The following ERICH6B variants were observed in gnomAD, a reference collection of about 807,000 sequenced individuals.
The protein encoded by ERICH6B is glutamate-rich protein 6B.
Under a neutral mutation model 80.0 loss-of-function variants are expected in ERICH6B, and 69 were observed. That is an observed-to-expected ratio of 0.86 (90% CI 0.71 to 1.05). The LOEUF is 1.05. ERICH6B is among the 50% of genes least tolerant of loss of function. The probability of loss-of-function intolerance (pLI) is 0.00; values close to 1 mark genes in which losing one functional copy is unlikely to be tolerated. For synonymous variants in ERICH6B, 283 were observed against 291.9 expected (o/e 0.97, Z 0.31); for missense variants, 754 against 796.1 (o/e 0.95, Z 0.64).
chr13:45,575,260 C>T (rs764854617), intron 7 of ERICH6B, among the ~76,000 whole-genome samples: 2 of 152,182 alleles, frequency 1.3e-5, no homozygotes, highest in African/African-American at 2.4e-5. Context: ...CAGAAGGCCA[C>T]GCAGGCAGAA....
intron 7 of ERICH6B, among the ~76,000 whole-genome samples, chr13:45,576,532 T>A (rs1875411530): frequency 6.6e-6 from 1 of 152,086 alleles, no homozygotes; most frequent in Non-Finnish European, 1.5e-5. Context: ...TCCTTGTGGG[T>A]GGCATTAGAG....
At chr13:45,550,479 G>C (rs1285046713) in intron 11 of ERICH6B, among the ~76,000 whole-genome samples, 163 bp from the exon 12 acceptor site, 2 of 152,184 alleles carry the variant, frequency 1.3e-5, no homozygotes, top group African/African-American at 2.4e-5. Context: ...TTGTCTATAT[G>C]ATGAGGAGGC....
chr13:45,568,245 A>T (rs1875003366), intron 9 of ERICH6B, 70 bp downstream of exon 9: 2 of 1,446,512 alleles, frequency 1.4e-6, no homozygotes, highest in Non-Finnish European at 1.8e-6. Flanking sequence ...CTCAGTTTAC[A>T]CTTTCCCTGC....
intron 1 of ERICH6B, among the ~76,000 whole-genome samples, chr13:45,611,290 G>A (rs1949898443): frequency 1.3e-5 from 2 of 152,132 alleles, no homozygotes; most frequent in African/African-American, 2.4e-5. Context: ...AACAGGTGTC[G>A]AATTATTTGA....
chr13:45,584,226 T>C (rs1875800245), intron 5 of ERICH6B, among the ~76,000 whole-genome samples: 1 of 152,246 alleles, frequency 6.6e-6, no homozygotes, highest in South Asian at 2.1e-4. Flanking sequence ...TCCTGCTCTG[T>C]GCCTGGATAG....
intron 3 of ERICH6B, among the ~76,000 whole-genome samples, chr13:45,594,647 C>A (rs1876288938): frequency 6.6e-6 from 1 of 152,152 alleles, no homozygotes; most frequent in Non-Finnish European, 1.5e-5. Context: ...AAGGATGGTA[C>A]ATCTGATTTG....
intron 9 of ERICH6B, among the ~76,000 whole-genome samples, chr13:45,567,401 A>G (rs1259238632): frequency 3.3e-5 from 5 of 152,136 alleles, no homozygotes; most frequent in Admixed American, 2.6e-4. Flanking sequence ...TCCCACCCAA[A>G]TCTCATCTTG....
intron 7 of ERICH6B, among the ~76,000 whole-genome samples, chr13:45,578,528 A>T (rs1875519777): frequency 6.6e-6 from 1 of 152,362 alleles, no homozygotes; most frequent in South Asian, 2.1e-4. Flanking sequence ...GTAAGCAACT[A>T]GCCCAGGACT....
intron 14 of ERICH6B, among the ~76,000 whole-genome samples, chr13:45,544,319 C>G (rs1203212061): frequency 6.6e-6 from 1 of 152,200 alleles, no homozygotes; most frequent in African/African-American, 2.4e-5. Flanking sequence ...AAGTGATCCA[C>G]CTGCTTCGGC....
At chr13:45,576,432 T>G (rs1875406409) in intron 7 of ERICH6B, among the ~76,000 whole-genome samples, 1 of 152,078 alleles carries the variant, frequency 6.6e-6, no homozygotes, top group African/African-American at 2.4e-5. Flanking sequence ...CCGAACTGTC[T>G]GCCATGGAAA....
At chr13:45,603,259 C>T (rs1378605093) in intron 2 of ERICH6B, among the ~76,000 whole-genome samples, 3 of 152,226 alleles carry the variant, frequency 2.0e-5, no homozygotes, top group Non-Finnish European at 4.4e-5. Flanking sequence ...ACCTACTCCA[C>T]CAGTTCCAGT....
chr13:45,593,159 T>C (rs1241290739), intron 3 of ERICH6B, among the ~76,000 whole-genome samples: 1 of 152,136 alleles, frequency 6.6e-6, no homozygotes, highest in Non-Finnish European at 1.5e-5. Flanking sequence ...CCCATAAACT[T>C]TGGGGGGAAT....
intron 8 of ERICH6B, among the ~76,000 whole-genome samples, chr13:45,572,418 A>G (rs1057128860): frequency 1.3e-5 from 2 of 152,218 alleles, no homozygotes; most frequent in African/African-American, 4.8e-5. Flanking sequence ...CCTTGGAGAA[A>G]GGACTCAGTA....
intron 7 of ERICH6B, among the ~76,000 whole-genome samples, chr13:45,576,193 C>T (rs1403319231): frequency 2.0e-5 from 3 of 152,338 alleles, no homozygotes; most frequent in South Asian, 2.1e-4. Context: ...GCTGGGGCTG[C>T]GTTTACCCAC....
chr13:45,587,357 G>T, intron 4 of ERICH6B, 125 bp from the exon 5 acceptor site: 3 of 767,456 alleles, frequency 3.9e-6, no homozygotes, highest in Non-Finnish European at 6.2e-6. Context: ...GACATCTCAA[G>T]GTTTGAAGAG....
rs150922671 is a variant in ERICH6B, at chr13:45,559,757, A to C, written c.1407+1612T>G. 8.2e-3 allele frequency among the ~76,000 whole-genome samples: 1,244 copies of C among 152,042 alleles called. 18 individuals are homozygous for C. Among genetic ancestry groups the C allele is most frequent in the African/African-American group, 0.028 (1,162 of 41,454 alleles). ...GTTTTATTCCACTGTGGTCTGAGAGAGTGCTTATATAATTTCAATTTTCTT... is the reference window on the plus strand; with the variant it reads ...GTTTTATTCCACTGTGGTCTGAGAGCGTGCTTATATAATTTCAATTTTCTT... On this transcript the variant is annotated intron_variant, in intron 11 of 14. Coordinates refer to ENST00000298738, the MANE Select transcript of ERICH6B (RefSeq NM_182542.3).
chr13:45,603,519 C>A (rs553427582), intron 2 of ERICH6B, among the ~76,000 whole-genome samples: 2 of 152,330 alleles, frequency 1.3e-5, no homozygotes, highest in African/African-American at 4.8e-5. Flanking sequence ...CCTCCCTTGG[C>A]TCCTGCCCTG....
chr13:45,570,305 T>TA (rs1421247777), intron 8 of ERICH6B, among the ~76,000 whole-genome samples: 3 of 152,042 alleles, frequency 2.0e-5, no homozygotes, highest in African/African-American at 7.2e-5. Context: ...ATCACTGAAA[T>TA]AAAAAATGAA....
intron 2 of ERICH6B, among the ~76,000 whole-genome samples, chr13:45,601,720 A>G (rs1949828734): frequency 6.6e-6 from 1 of 152,218 alleles, no homozygotes; most frequent in East Asian, 1.9e-4. Flanking sequence ...AAGATCAGAA[A>G]AAGAAACTGC....
Sources: allele counts gnomAD v4.1 joint callset (sites outside exome capture counted in the v4.1 genomes callset), GRCh38; gene constraint gnomAD v4.1.1; transcripts MANE v1.5; gene names NCBI Gene and HGNC (gene_info 2026-07-23, HGNC 2026-07-21).